Variants in CTIF observed in about 807,000 individuals in gnomAD.
The protein encoded by CTIF is cap binding complex dependent translation initiation factor, also known as CBP80/20-dependent translation initiation factor.
CTIF carries 21 observed loss-of-function variants against 66.0 expected under a neutral mutation model. That is an observed-to-expected ratio of 0.32 (90% CI 0.23 to 0.46). The LOEUF is 0.46. Among genes scored for constraint, CTIF ranks in the 20% least tolerant of loss-of-function variants. CTIF has a pLI of 1.00. For synonymous variants in CTIF, 345 were observed against 326.4 expected, an observed-to-expected ratio of 1.06 and a Z score of -0.62; for missense variants, 739 against 812.7, an observed-to-expected ratio of 0.91 and a Z score of 1.10.
chr18:48,579,148 C>A (rs1321574393), intron 1 of CTIF, among the ~76,000 whole-genome samples: 1 of 151,758 alleles, frequency 6.6e-6, no homozygotes, highest in Non-Finnish European at 1.5e-5. Context: ...ATTATTTTGA[C>A]ATGGGGTCTT....
intron 7 of CTIF, among the ~76,000 whole-genome samples, chr18:48,735,116 T>TGA (rs1491421277): frequency 6.7e-6 from 1 of 150,316 alleles, no homozygotes; most frequent in Non-Finnish European, 1.5e-5. Context: ...TGTGTGTGTG[T>TGA]GATGGCACAG....
chr18:48,835,036 G>A (rs762927767), intron 10 of CTIF, among the ~76,000 whole-genome samples: 19 of 152,248 alleles, frequency 1.2e-4, no homozygotes, highest in African/African-American at 1.4e-4. Context: ...CAAGGTTTGC[G>A]TGTCAGACTT....
At chr18:48,698,104 TAAAAAAAAAAAAAAAAAAA>T (rs527429582) in intron 6 of CTIF, among the ~76,000 whole-genome samples, 69 of 13,072 alleles carry the variant, frequency 5.3e-3, no homozygotes, top group Non-Finnish European at 0.011. Context: ...TAGCCATCAT[TAAAAAAAAAAAAAAAAAAA>T]AAAAAAAAAA....
chr18:48,841,193 C>T (rs1178037007), intron 10 of CTIF, among the ~76,000 whole-genome samples: 1 of 152,226 alleles, frequency 6.6e-6, no homozygotes, highest in Non-Finnish European at 1.5e-5. Flanking sequence ...TAAGAAGCTT[C>T]TTCCCAGTCT....
At chr18:48,814,624 T>C (rs2068324800) in intron 9 of CTIF, among the ~76,000 whole-genome samples, 1 of 152,222 alleles carries the variant, frequency 6.6e-6, no homozygotes, top group Non-Finnish European at 1.5e-5. Context: ...TTCATGAGAA[T>C]GAAACCACCA....
chr18:48,620,587 G>A (rs538565221), intron 2 of CTIF, among the ~76,000 whole-genome samples: 56 of 152,246 alleles, frequency 3.7e-4, no homozygotes, highest in Admixed American at 3.2e-3. Context: ...CTGTTGCCTC[G>A]GGAATGTTGG....
chr18:48,813,907 C>T (rs1240625179), intron 9 of CTIF, among the ~76,000 whole-genome samples: 1 of 152,196 alleles, frequency 6.6e-6, no homozygotes, highest in African/African-American at 2.4e-5. Flanking sequence ...AAGGGTGGTG[C>T]AGATGGGAGC....
intron 3 of CTIF, among the ~76,000 whole-genome samples, chr18:48,645,099 A>G (rs898383554): frequency 2.6e-5 from 4 of 152,172 alleles, no homozygotes; most frequent in Non-Finnish European, 4.4e-5. Context: ...CCTGCTAAAT[A>G]CAACTAAAAA....
At chr18:48,698,915 T>C (rs1015331682) in intron 6 of CTIF, among the ~76,000 whole-genome samples, 22 of 152,164 alleles carry the variant, frequency 1.4e-4, no homozygotes, top group African/African-American at 5.1e-4. Flanking sequence ...CAGCACCTAG[T>C]ACAGCCGCTG....
chr18:48,634,691 G>A lies in CTIF; in HGVS notation c.181-1923G>A, dbSNP rs73956988. 3.9e-3 allele frequency among the ~76,000 whole-genome samples: 594 copies of A among 152,326 alleles called. 1 individual carries two copies. Among genetic ancestry groups the A allele is most frequent in the African/African-American group, 0.013 (551 of 41,576 alleles). ...CAAGCCCAGCCAGAAGCCAGCTGAC[G>A]TGGGAGCCTGGGAATTGTGGTCCGC... is the stretch of plus-strand genomic sequence containing the variant. On this transcript the variant is annotated intron_variant, in intron 2 of 11. Transcript: ENST00000256413.
intron 9 of CTIF, among the ~76,000 whole-genome samples, chr18:48,792,335 C>T (rs537564656): frequency 2.6e-5 from 4 of 152,128 alleles, no homozygotes; most frequent in African/African-American, 9.7e-5. Flanking sequence ...GGCATCAGGT[C>T]AGCGGGATGC....
chr18:48,754,209 C>T (rs111726714), intron 7 of CTIF, among the ~76,000 whole-genome samples: 74 of 152,244 alleles, frequency 4.9e-4, no homozygotes, highest in African/African-American at 1.7e-3. Flanking sequence ...CAGGTCACTG[C>T]GGTCCTTGTC....
intron 3 of CTIF, among the ~76,000 whole-genome samples, chr18:48,657,642 C>T (rs2144837622): frequency 6.6e-6 from 1 of 152,186 alleles, no homozygotes; most frequent in South Asian, 2.1e-4. Context: ...ACGGCATGTG[C>T]TATGAGGTTC....
intron 1 of CTIF, among the ~76,000 whole-genome samples, chr18:48,603,025 G>A (rs2090123673): frequency 6.7e-6 from 1 of 150,148 alleles, no homozygotes; most frequent in South Asian, 2.1e-4. Flanking sequence ...GAATAGATGG[G>A]TGGATGGATG....
At chr18:48,794,142 C>A (rs1192678420) in intron 9 of CTIF, among the ~76,000 whole-genome samples, 5 of 152,236 alleles carry the variant, frequency 3.3e-5, no homozygotes, top group Non-Finnish European at 7.3e-5. Context: ...GCCATTCTAC[C>A]TCACTTTCCC....
At chr18:48,665,613 T>A (rs2091424084) in intron 5 of CTIF, among the ~76,000 whole-genome samples, 1 of 152,152 alleles carries the variant, frequency 6.6e-6, no homozygotes, top group East Asian at 1.9e-4. Context: ...TAAAACCCCA[T>A]ACCCACTAGG....
rs112824260 is a variant in CTIF, at chr18:48,740,162, C to T, written c.585-17757C>T. Among the ~76,000 whole-genome samples the T allele has an allele frequency of 5.5e-4, 84 of 152,326 alleles. 1 individual carries two copies. Among genetic ancestry groups the T allele is most frequent in the African/African-American group, 1.9e-3 (78 of 41,562 alleles). ...CCAGGGCCTGGATGCAGGCAGGCTG[C>T]CATAGAGTCCAGGCTCGGGCAATTC... On this transcript the variant is annotated intron_variant, in intron 7 of 11. Transcript: ENST00000256413.
intron 9 of CTIF, among the ~76,000 whole-genome samples, chr18:48,806,032 T>C (rs758106463): frequency 2.0e-5 from 3 of 151,918 alleles, no homozygotes; most frequent in Admixed American, 6.6e-5. Flanking sequence ...TCAGACCTAG[T>C]GGAGGTGATC....
chr18:48,588,821 A>G (rs2089827545), intron 1 of CTIF, among the ~76,000 whole-genome samples: 1 of 152,180 alleles, frequency 6.6e-6, no homozygotes, highest in Non-Finnish European at 1.5e-5. Context: ...GAGGGGCCCA[A>G]TGCAGGCTTG....
Sources: allele counts gnomAD v4.1 joint callset (sites outside exome capture counted in the v4.1 genomes callset), GRCh38; gene constraint gnomAD v4.1.1; transcripts MANE v1.5; gene names NCBI Gene and HGNC (gene_info 2026-07-23, HGNC 2026-07-21).